Variants in SSBP3 observed in about 807,000 individuals in gnomAD.
The protein encoded by SSBP3 is single-stranded DNA-binding protein 3.
SSBP3 carries 5 observed loss-of-function variants against 69.6 expected under a neutral mutation model. The observed-to-expected ratio is 0.07, with a 90% CI of 0.04 to 0.15. SSBP3 has a LOEUF of 0.15. SSBP3 is among the 10% of genes least tolerant of loss of function. SSBP3 has a pLI of 1.00. For synonymous variants in SSBP3, 196 were observed against 193.4 expected, an observed-to-expected ratio of 1.01 and a Z score of -0.11; for missense variants, 312 against 534.0, an observed-to-expected ratio of 0.58 and a Z score of 4.10.
At chr1:54,364,931 A>G (rs1053496757) in intron 4 of SSBP3, among the ~76,000 whole-genome samples, 1 of 152,198 alleles carries the variant, frequency 6.6e-6, no homozygotes, top group South Asian at 2.1e-4. Context: ...TAACATTTCA[A>G]TAATTAAGAC....
intron 4 of SSBP3, among the ~76,000 whole-genome samples, chr1:54,321,073 TG>T (rs1329388654): frequency 3.9e-5 from 6 of 152,092 alleles, no homozygotes; most frequent in Non-Finnish European, 7.4e-5. Flanking sequence ...TAAGGGAACA[TG>T]GTATAGCCAA....
rs59276509 is a variant in SSBP3, at chr1:54,396,193, G to GAAAAAAAAAAAAA, written c.276+5655_276+5667dup. ...GGTGACAGAGTGAGACTCCATCTCA[G>GAAAAAAAAAAAAA]AAAAAAAAAAAAAAAAAAAAAAAAA... is the stretch of plus-strand genomic sequence containing the variant. On this transcript the variant is annotated intron_variant, in intron 4 of 17. Coordinates refer to ENST00000610401, the Ensembl canonical transcript of SSBP3. 2.6e-3 allele frequency among the ~76,000 whole-genome samples: 105 copies of GAAAAAAAAAAAAA among 40,576 alleles called. 6 individuals carry two copies. Among genetic ancestry groups the GAAAAAAAAAAAAA allele is most frequent in the East Asian group, 0.024 (14 of 594 alleles). The allele number at this position is 40,576 out of a possible 152,430, so 26.6% of individuals were successfully genotyped here.
chr1:54,286,538 G>C (rs1027831388), intron 4 of SSBP3: 1 of 152,216 alleles, frequency 6.6e-6, no homozygotes, highest in Non-Finnish European at 1.5e-5. Context: ...CCCAGGATGG[G>C]TACACAGCCA....
intron 5 of SSBP3, among the ~76,000 whole-genome samples, chr1:54,274,535 T>A (rs1645251167): frequency 6.6e-6 from 1 of 152,190 alleles, no homozygotes. Context: ...CCGTCACACC[T>A]GCCTCCTGCC....
chr1:54,394,920 G>C (rs1648754496), intron 4 of SSBP3, among the ~76,000 whole-genome samples: 1 of 151,666 alleles, frequency 6.6e-6, no homozygotes, highest in Non-Finnish European at 1.5e-5. Flanking sequence ...AGCCAGGATG[G>C]TCTCGATCTC....
intron 4 of SSBP3, among the ~76,000 whole-genome samples, chr1:54,323,441 C>T (rs987754600): frequency 4.6e-5 from 7 of 152,146 alleles, no homozygotes; most frequent in South Asian, 2.1e-4. Context: ...CAGGGCAGGA[C>T]GCCAGGCGTC....
At chr1:54,367,227 C>T (rs1406652357) in intron 4 of SSBP3, among the ~76,000 whole-genome samples, 7 of 152,146 alleles carry the variant, frequency 4.6e-5, no homozygotes, top group South Asian at 2.1e-4. Flanking sequence ...GGGGAGAATG[C>T]CACCAATCGC....
At chr1:54,247,151 C>G (rs1644748560) in intron 9 of SSBP3, among the ~76,000 whole-genome samples, 1 of 152,234 alleles carries the variant, frequency 6.6e-6, no homozygotes, top group Non-Finnish European at 1.5e-5. Flanking sequence ...GGGGCTGCAG[C>G]CTGGAGGCGG....
At chr1:54,255,715 G>A (rs1243624821) in intron 7 of SSBP3, 1 of 151,510 alleles carries the variant, frequency 6.6e-6, no homozygotes, top group Non-Finnish European at 1.5e-5. Flanking sequence ...GAAAATGAAG[G>A]ACTTTTGGAG....
At chr1:54,294,369 T>G (rs1645667402) in intron 4 of SSBP3, among the ~76,000 whole-genome samples, 1 of 151,802 alleles carries the variant, frequency 6.6e-6, no homozygotes, top group East Asian at 1.9e-4. Flanking sequence ...AACTGTTCCT[T>G]CTGCCCGTAA....
intron 4 of SSBP3, among the ~76,000 whole-genome samples, chr1:54,393,366 G>A (rs1419866293): frequency 1.3e-5 from 2 of 152,216 alleles, no homozygotes; most frequent in Non-Finnish European, 2.9e-5. Flanking sequence ...GCTAGCCCAT[G>A]ATGGTTCACG....
intron 4 of SSBP3, among the ~76,000 whole-genome samples, chr1:54,337,886 T>C (rs1464334637): frequency 1.3e-5 from 2 of 152,130 alleles, no homozygotes; most frequent in African/African-American, 4.8e-5. Flanking sequence ...CCCAAAACTC[T>C]GGGAGGCCAA....
At chr1:54,396,193 GAAAAAAAAAAAAAA>G (rs59276509) in intron 4 of SSBP3, among the ~76,000 whole-genome samples, 5 of 40,564 alleles carry the variant, frequency 1.2e-4, no homozygotes, top group Non-Finnish European at 1.9e-4. Flanking sequence ...CTCCATCTCA[GAAAAAAAAAAAAAA>G]AAAAAAAAAA....
chr1:54,349,186 A>C (rs938995271), intron 4 of SSBP3, among the ~76,000 whole-genome samples: 1 of 152,246 alleles, frequency 6.6e-6, no homozygotes, highest in Admixed American at 6.5e-5. Flanking sequence ...AGGAGAGATT[A>C]GAATTATTAG....
At chr1:54,227,189 G>GA in intron 17 of SSBP3, 29 bp from the exon 18 acceptor site, 2 of 1,178,636 alleles carry the variant, frequency 1.7e-6, no homozygotes, top group Non-Finnish European at 1.2e-6. Flanking sequence ...GAAGGGGGGG[G>GA]GGTGAGGATT....
intron 4 of SSBP3, among the ~76,000 whole-genome samples, chr1:54,332,528 A>AC (rs978058764): frequency 3.3e-5 from 5 of 151,324 alleles, no homozygotes; most frequent in Non-Finnish European, 1.5e-5. Context: ...ATCTTTCCAA[A>AC]CCCCCCTGGC....
chr1:54,296,007 A>C (rs539707622), intron 4 of SSBP3, among the ~76,000 whole-genome samples: 1 of 152,244 alleles, frequency 6.6e-6, no homozygotes, highest in Admixed American at 6.5e-5. Flanking sequence ...GTGGAATCCA[A>C]ATATTTGTAA....
chr1:54,316,367 C>T (rs1646098171), intron 4 of SSBP3, among the ~76,000 whole-genome samples: 1 of 147,342 alleles, frequency 6.8e-6, no homozygotes, highest in Non-Finnish European at 1.5e-5. Flanking sequence ...AGGCCGGGCG[C>T]GGTGGCTCAC....
At chr1:54,274,314 G>T (rs1645247231) in intron 5 of SSBP3, among the ~76,000 whole-genome samples, 1 of 152,200 alleles carries the variant, frequency 6.6e-6, no homozygotes, top group South Asian at 2.1e-4. Context: ...TTGGTTCTTA[G>T]GACTATCTCA....
Sources: gnomAD v4.1 joint callset for allele counts (sites outside exome capture counted in the v4.1 genomes callset) on GRCh38, gnomAD v4.1.1 for gene constraint, MANE v1.5 for transcripts, NCBI Gene and HGNC (gene_info 2026-07-23, HGNC 2026-07-21) for gene names.